Variants in RAD54L2 observed in about 807,000 individuals in gnomAD.
RAD54L2 encodes RAD54 like 2.
A neutral mutation model predicts 138.4 loss-of-function variants in RAD54L2; 27 were observed. The observed-to-expected ratio is 0.20, with a 90% CI of 0.14 to 0.27. RAD54L2 has a LOEUF of 0.27. Among genes scored for constraint, RAD54L2 ranks in the 10% least tolerant of loss-of-function variants. RAD54L2 has a pLI of 1.00. For synonymous variants in RAD54L2, 644 were observed against 723.2 expected (o/e 0.89, Z 1.76); for missense variants, 1,396 against 1,890.2 (o/e 0.74, Z 4.85).
chr3:51,593,707 T>A (rs1006526371), intron 3 of RAD54L2, among the ~76,000 whole-genome samples: 2 of 152,248 alleles, frequency 1.3e-5, no homozygotes, highest in Non-Finnish European at 2.9e-5. Flanking sequence ...TGTCATAGTT[T>A]ACACAAGCAT....
At chr3:51,625,497 T>C (rs538795167) in intron 3 of RAD54L2, among the ~76,000 whole-genome samples, 1 of 151,670 alleles carries the variant, frequency 6.6e-6, no homozygotes, top group East Asian at 1.9e-4. Context: ...AAGAGGAAAA[T>C]AGAAAACCAC....
intron 19 of RAD54L2, among the ~76,000 whole-genome samples, chr3:51,649,298 A>G (rs1160257650): frequency 6.6e-6 from 1 of 152,212 alleles, no homozygotes; most frequent in Non-Finnish European, 1.5e-5. Context: ...ATATGGGACT[A>G]TGTGAAAAGA....
chr3:51,548,374 G>C (rs1049037276), intron 2 of RAD54L2, among the ~76,000 whole-genome samples: 1 of 152,088 alleles, frequency 6.6e-6, no homozygotes, highest in South Asian at 2.1e-4. Context: ...TTTTTGTAGA[G>C]ATGGGGTTTC....
rs1405009470 is a variant in RAD54L2, at chr3:51,597,178, A to AC, written c.139+6619_139+6620insC. On this transcript the variant is annotated intron_variant, in intron 3 of 22. Coordinates refer to ENST00000684192, the MANE Select transcript of RAD54L2 (RefSeq NM_015106.4). The stretch of plus-strand genomic sequence containing the variant: ...AAGACTTCATTTCAAAAAAAAAAAA[A>AC]AAAAAAAAAAACCCCACAAAACCTA... Among the ~76,000 whole-genome samples the AC allele has an allele frequency of 4.0e-5, 6 of 151,308 alleles. No individual in the cohort carries two copies. In the South Asian group the frequency reaches 6.3e-4, roughly 16 times the overall value.
rs776152286 is a variant in RAD54L2 at position 51,635,645 on chromosome 3, G to C, written c.1195G>C (p.Val399Leu). ...VMADWVSEGG[V>L]LLMGYEMYRL... ...GGCTGATTGGGTGTCAGAGGGTGGCGTGCTGCTGATGGGGTACGAGATGTA... is the reference window on the plus strand; with the variant it reads ...GGCTGATTGGGTGTCAGAGGGTGGCCTGCTGCTGATGGGGTACGAGATGTA... Residue 399 changes from valine to leucine, a missense_variant, in exon 10 of 23, where the codon GTG becomes CTG. Physicochemically the swap from Val to Leu is conservative, Grantham distance 32 (BLOSUM62 1). Transcript: ENST00000684192. The C allele has an allele frequency of 6.2e-7, 1 of 1,613,428 alleles. No individual in the cohort carries two copies. Among genetic ancestry groups the C allele is most frequent in the Non-Finnish European group, 8.5e-7 (1 of 1,179,692 alleles).
intron 2 of RAD54L2, among the ~76,000 whole-genome samples, chr3:51,571,782 C>G (rs1265442185): frequency 6.6e-6 from 1 of 152,078 alleles, no homozygotes; most frequent in Non-Finnish European, 1.5e-5. Flanking sequence ...CCCTTCTTCT[C>G]AAGAATTAAC....
intron 3 of RAD54L2, among the ~76,000 whole-genome samples, chr3:51,605,145 A>G (rs1708104047): frequency 6.9e-6 from 1 of 144,328 alleles, no homozygotes; most frequent in Admixed American, 7.3e-5. Context: ...GCTGCAGTGC[A>G]GTGGCGCGAT....
rs866973395 is a variant in RAD54L2, at chr3:51,599,293, C to T, written c.139+8734C>T. Among the ~76,000 whole-genome samples the T allele has an allele frequency of 3.9e-5, 6 of 152,164 alleles. No individual in the cohort carries two copies. In the South Asian group the frequency reaches 1.2e-3, roughly 32 times the overall value. On this transcript the variant is annotated intron_variant, in intron 3 of 22. Coordinates refer to ENST00000684192, the MANE Select transcript of RAD54L2 (RefSeq NM_015106.4). Reference sequence around the variant, plus strand: ...GAGAGTGAGAGAGCAAGAGAGAATACATCATGTGATTCCATTTATATTAAA... The same window carrying T: ...GAGAGTGAGAGAGCAAGAGAGAATATATCATGTGATTCCATTTATATTAAA...
intron 9 of RAD54L2, among the ~76,000 whole-genome samples, chr3:51,634,359 T>TA (rs1700927891): frequency 9.7e-6 from 1 of 103,552 alleles, no homozygotes; most frequent in Non-Finnish European, 1.8e-5. Context: ...CACTGTCTGA[T>TA]TTTTTTTTTT....
rs1698784144 is a variant in RAD54L2 at position 51,549,572 on chromosome 3, G to A, written c.-55+7922G>A. ...GGAGGGAAATCACCTGAGGTCAGGAGTTGGAGACCAGCCTGGCCAACGTGG... is the reference window on the plus strand; with the variant it reads ...GGAGGGAAATCACCTGAGGTCAGGAATTGGAGACCAGCCTGGCCAACGTGG... On this transcript the variant is annotated intron_variant, in intron 2 of 22. Transcript: ENST00000684192. Among the ~76,000 whole-genome samples the A allele has an allele frequency of 2.0e-5, 3 of 152,078 alleles. No individual in the cohort carries two copies. In the South Asian group the frequency reaches 6.2e-4, roughly 32 times the overall value.
At chr3:51,629,298 T>TTG (rs747238445) in intron 4 of RAD54L2, 36 bp from the exon 5 acceptor site, 1 of 1,560,868 alleles carries the variant, frequency 6.4e-7, no homozygotes, top group South Asian at 1.2e-5. Context: ...CAAATCTTAA[T>TTG]TGAACCCAAG....
rs1250663535 is a variant in RAD54L2 at position 51,590,549 on chromosome 3, C to A, written c.129C>A (p.Asp43Glu). The A allele has an allele frequency of 6.4e-7, 1 of 1,552,104 alleles. No individual in the cohort carries two copies. The highest frequency in any genetic ancestry group is 8.7e-7 in the Non-Finnish European group (1 of 1,147,142). Residue 43 changes from aspartate to glutamate, a missense_variant, in exon 3 of 23, where the codon GAC becomes GAA. Coordinates refer to ENST00000684192, the MANE Select transcript of RAD54L2 (RefSeq NM_015106.4). Reference sequence around the variant, plus strand: ...AGTGTGACAGGGATGATGAAGAAGACCTGCTGGATGGTAAGTGGGCTCTAT... The same window carrying A: ...AGTGTGACAGGGATGATGAAGAAGAACTGCTGGATGGTAAGTGGGCTCTAT... ...VEECDRDDEE[D>E]LLDDPSLEGM...
chr3:51,570,818 TTTTA>T (rs1426324349), intron 2 of RAD54L2, among the ~76,000 whole-genome samples: 3 of 152,130 alleles, frequency 2.0e-5, no homozygotes, highest in Non-Finnish European at 4.4e-5. Flanking sequence ...ATGCATAGGC[TTTTA>T]TTTATTTGTT....
At chr3:51,552,284 A>G (rs1432678324) in intron 2 of RAD54L2, among the ~76,000 whole-genome samples, 2 of 151,266 alleles carry the variant, frequency 1.3e-5, no homozygotes, top group African/African-American at 4.8e-5. Flanking sequence ...TTTTTTTGAG[A>G]CAGAGTCTTG....
At chr3:51,626,532 C>T (rs1240703308) in intron 3 of RAD54L2, among the ~76,000 whole-genome samples, 3 of 142,258 alleles carry the variant, frequency 2.1e-5, no homozygotes, top group African/African-American at 7.8e-5. Context: ...GCAACCTCCG[C>T]CTCCTGGGTT....
At chr3:51,562,674 A>T (rs540287906) in intron 2 of RAD54L2, among the ~76,000 whole-genome samples, 1 of 152,006 alleles carries the variant, frequency 6.6e-6, no homozygotes, top group Non-Finnish European at 1.5e-5. Context: ...TGGCCAGCTA[A>T]TTTTTTTGTT....
At chr3:51,551,703 A>G (rs1011137121) in intron 2 of RAD54L2, among the ~76,000 whole-genome samples, 7 of 151,782 alleles carry the variant, frequency 4.6e-5, no homozygotes, top group Non-Finnish European at 1.0e-4. Flanking sequence ...CCACAGTGCA[A>G]AGATTACAGG....
intron 2 of RAD54L2, among the ~76,000 whole-genome samples, chr3:51,587,553 C>T (rs1431535549): frequency 1.3e-5 from 2 of 152,090 alleles, no homozygotes; most frequent in Non-Finnish European, 2.9e-5. Context: ...GTTATTAATG[C>T]AAAAATTTAA....
intron 3 of RAD54L2, among the ~76,000 whole-genome samples, chr3:51,618,423 A>T (rs2106773986): frequency 1.3e-5 from 2 of 152,116 alleles, no homozygotes; most frequent in East Asian, 1.9e-4. Flanking sequence ...TTTATTACAA[A>T]ATTAGCCAGA....
Sources: gnomAD v4.1 joint callset for allele counts (sites outside exome capture counted in the v4.1 genomes callset) on GRCh38, gnomAD v4.1.1 for gene constraint, MANE v1.5 for transcripts, NCBI Gene and HGNC (gene_info 2026-07-23, HGNC 2026-07-21) for gene names.